CDH9: variants seen among roughly 807,000 people sequenced by gnomAD.
CDH9 encodes cadherin-9.
Under a neutral mutation model 70.9 loss-of-function variants are expected in CDH9, and 28 were observed. The observed-to-expected ratio is 0.40, with a 90% CI of 0.29 to 0.54. CDH9 has a LOEUF of 0.54. Among genes scored for constraint, CDH9 ranks in the 20% least tolerant of loss-of-function variants. The probability of loss-of-function intolerance (pLI) is 0.59; values close to 1 mark genes in which losing one functional copy is unlikely to be tolerated. For missense variants in CDH9, 874 were observed against 984.4 expected, an observed-to-expected ratio of 0.89 and a Z score of 1.50; for synonymous variants, 409 against 343.1, an observed-to-expected ratio of 1.19 and a Z score of -2.12.
chr5:26,889,054 T>G (rs1350006098), intron 9 of CDH9, among the ~76,000 whole-genome samples: 1 of 152,164 alleles, frequency 6.6e-6, no homozygotes, highest in Admixed American at 6.6e-5. Context: ...TTCATAATAT[T>G]CTCTATTGGA....
intron 2 of CDH9, among the ~76,000 whole-genome samples, chr5:26,916,202 T>C (rs1579449112): frequency 6.6e-6 from 1 of 152,126 alleles, no homozygotes; most frequent in East Asian, 1.9e-4. Context: ...AATAAAATGT[T>C]ACCAAGATTT....
chr5:26,978,187 G>T (rs1742336760), intron 2 of CDH9, among the ~76,000 whole-genome samples: 1 of 147,738 alleles, frequency 6.8e-6, no homozygotes, highest in Non-Finnish European at 1.5e-5. Context: ...ATAAAAAAAA[G>T]ATAGTGAATA....
intron 1 of CDH9, among the ~76,000 whole-genome samples, chr5:26,996,611 T>C (rs1259524158): frequency 6.6e-6 from 1 of 151,940 alleles, no homozygotes; most frequent in Non-Finnish European, 1.5e-5. Context: ...TTGAGGGATA[T>C]ATGCTTAAAT....
At chr5:26,940,550 G>A (rs1741642927) in intron 2 of CDH9, among the ~76,000 whole-genome samples, 1 of 152,144 alleles carries the variant, frequency 6.6e-6, no homozygotes, top group Admixed American at 6.5e-5. Context: ...TTTGATATGT[G>A]GTTTTCAGGA....
chr5:27,023,714 C>T lies in CDH9; in HGVS notation c.-50+14749G>A, dbSNP rs531844035. Among the ~76,000 whole-genome samples the T allele has an allele frequency of 8.6e-5, 13 of 152,026 alleles. No homozygotes were observed. The South Asian group carries it at 2.7e-3, about 32-fold the overall frequency. On this transcript the variant is annotated intron_variant, in intron 1 of 11. Coordinates refer to ENST00000231021, the MANE Select transcript of CDH9 (RefSeq NM_016279.4). ...CATTCTTTTCTTAAAGTTCTTATAT[C>T]CAACAGAGATAAAATCTTGTAGGAT...
intron 1 of CDH9, among the ~76,000 whole-genome samples, chr5:27,006,682 T>G (rs182228666): frequency 6.6e-6 from 1 of 152,242 alleles, no homozygotes; most frequent in African/African-American, 2.4e-5. Flanking sequence ...TCCTTCCCAA[T>G]GATTGCATTT....
intron 2 of CDH9, among the ~76,000 whole-genome samples, chr5:26,933,643 G>A (rs946142838): frequency 1.3e-4 from 20 of 151,740 alleles, no homozygotes; most frequent in African/African-American, 3.6e-4. Flanking sequence ...GCGTGGTGGC[G>A]CGCATCTGTA....
chr5:26,902,851 AT>A (rs1740881180), intron 6 of CDH9, 122 bp from the exon 7 acceptor site: 1 of 610,436 alleles, frequency 1.6e-6, no homozygotes, highest in Admixed American at 2.9e-5. Flanking sequence ...AATGACAATG[AT>A]TGCTTCATAG....
chr5:26,899,320 G>GTATA (rs1186298323), intron 7 of CDH9, among the ~76,000 whole-genome samples: 1 of 152,108 alleles, frequency 6.6e-6, no homozygotes, highest in Non-Finnish European at 1.5e-5. Context: ...CCACTACTGG[G>GTATA]TATATACCCC....
intron 2 of CDH9, among the ~76,000 whole-genome samples, chr5:26,976,769 C>T (rs1467752383): frequency 2.0e-5 from 3 of 152,102 alleles, no homozygotes; most frequent in Non-Finnish European, 4.4e-5. Context: ...TCTTATTATG[C>T]ATACTGGCCA....
chr5:26,926,926 CGCAA>C (rs1294622407), intron 2 of CDH9, among the ~76,000 whole-genome samples: 2 of 143,712 alleles, frequency 1.4e-5, no homozygotes, highest in Non-Finnish European at 3.0e-5. Context: ...AGCCCCCCCC[CGCAA>C]AAAAAAAAGA....
chr5:27,000,992 C>T lies in CDH9; in HGVS notation c.-49-12610G>A, dbSNP rs116230113. Among the ~76,000 whole-genome samples the T allele has an allele frequency of 7.0e-3, 1,064 of 152,132 alleles. 13 individuals are homozygous for T. Among genetic ancestry groups the T allele is most frequent in the African/African-American group, 0.025 (1,020 of 41,522 alleles). Reference sequence around the variant, plus strand: ...GGATGAACAGGTGAAGCAAAGGAGACATTTTGGGCAGTGACACCATTTTGT... The same window carrying T: ...GGATGAACAGGTGAAGCAAAGGAGATATTTTGGGCAGTGACACCATTTTGT... On this transcript the variant is annotated intron_variant, in intron 1 of 11. Transcript: ENST00000231021.
intron 11 of CDH9, among the ~76,000 whole-genome samples, chr5:26,882,580 A>C (rs1740485190): frequency 6.6e-6 from 1 of 152,094 alleles, no homozygotes; most frequent in African/African-American, 2.4e-5. Flanking sequence ...CGATTTTAAA[A>C]ATATAAATTT....
At chr5:26,969,413 T>A (rs550266954) in intron 2 of CDH9, among the ~76,000 whole-genome samples, 123 of 152,266 alleles carry the variant, frequency 8.1e-4, no homozygotes, top group African/African-American at 2.9e-3. Context: ...TGTTTTAATA[T>A]TATTATTGTC....
intron 2 of CDH9, among the ~76,000 whole-genome samples, chr5:26,953,630 A>AG (rs1208358957): frequency 1.3e-5 from 2 of 152,134 alleles, no homozygotes; most frequent in African/African-American, 4.8e-5. Flanking sequence ...TTATATGGAA[A>AG]ATTATCTATT....
At chr5:26,944,220 T>G (rs969596541) in intron 2 of CDH9, among the ~76,000 whole-genome samples, 2 of 144,586 alleles carry the variant, frequency 1.4e-5, no homozygotes, top group Non-Finnish European at 3.0e-5. Flanking sequence ...TTGCTATATC[T>G]CACTGATTTT....
chr5:26,883,991 A>G (rs567766726), intron 11 of CDH9, among the ~76,000 whole-genome samples: 8 of 152,274 alleles, frequency 5.3e-5, no homozygotes, highest in African/African-American at 1.9e-4. Context: ...TCCAGCTATT[A>G]CCATAAAGAC....
chr5:26,988,628 CAG>C (rs1481439093), intron 1 of CDH9, among the ~76,000 whole-genome samples: 1 of 151,794 alleles, frequency 6.6e-6, no homozygotes, highest in South Asian at 2.1e-4. Flanking sequence ...ATAAAACAAT[CAG>C]ATACATATTA....
At chr5:26,974,433 T>G (rs1409646467) in intron 2 of CDH9, among the ~76,000 whole-genome samples, 1 of 152,128 alleles carries the variant, frequency 6.6e-6, no homozygotes, top group Admixed American at 6.6e-5. Context: ...TCCTATCTTG[T>G]GTTTAATCAG....
Sources: allele counts gnomAD v4.1 joint callset (sites outside exome capture counted in the v4.1 genomes callset), GRCh38; gene constraint gnomAD v4.1.1; transcripts MANE v1.5; gene names NCBI Gene and HGNC (gene_info 2026-07-23, HGNC 2026-07-21).